Variants in MITF observed in about 807,000 individuals in gnomAD.
The protein encoded by MITF is microphthalmia-associated transcription factor.
Under a neutral mutation model 60.5 loss-of-function variants are expected in MITF, and 17 were observed. That is an observed-to-expected ratio of 0.28 (90% CI 0.19 to 0.42). The LOEUF (loss-of-function observed/expected upper bound fraction) is 0.42, where lower values mean the gene tolerates loss of function less well. MITF is among the 10% of genes least tolerant of loss of function. The probability of loss-of-function intolerance (pLI) is 1.00; values close to 1 mark genes in which losing one functional copy is unlikely to be tolerated. For missense variants in MITF, 622 were observed against 683.5 expected (o/e 0.91, Z 1.00); for synonymous variants, 260 against 248.5 (o/e 1.05, Z -0.43).
chr3:69,873,697 G>A (rs890606045), intron 1 of MITF, among the ~76,000 whole-genome samples: 4 of 152,200 alleles, frequency 2.6e-5, no homozygotes, highest in Non-Finnish European at 5.9e-5. Context: ...GAAATGGAAT[G>A]CGAATTTTCT....
chr3:69,806,526 T>TA (rs147956158), intron 1 of MITF, among the ~76,000 whole-genome samples: 3,943 of 152,250 alleles, frequency 0.026, 165 homozygotes, highest in African/African-American at 0.089. Context: ...AAAATGTAGT[T>TA]AGACCATTAC....
intron 2 of MITF, among the ~76,000 whole-genome samples, chr3:69,882,405 T>C (rs35773003): frequency 0.025 from 3,868 of 152,230 alleles, 150 homozygotes; most frequent in African/African-American, 0.086. Context: ...ATTTACATAG[T>C]AAAGATATTC....
At chr3:69,800,247 C>T (rs1404971941) in intron 1 of MITF, among the ~76,000 whole-genome samples, 1 of 152,138 alleles carries the variant, frequency 6.6e-6, no homozygotes, top group African/African-American at 2.4e-5. Context: ...AGCATATTTT[C>T]AAGATTCAGC....
In MITF at chr3:69,964,944, C is replaced by A. The variant is rs2066647199; in HGVS notation, c.1277C>A (p.Pro426His). 6.2e-7 allele frequency: 1 copy of A among 1,614,120 alleles called. No individual in the cohort carries two copies. The highest frequency in any genetic ancestry group is 2.2e-5 in the East Asian group (1 of 44,864). Residue 426 changes from proline to histidine, a missense_variant, in exon 10 of 10, where the codon CCC becomes CAC. This residue lies in a region of MITF where 224 missense variants were observed against 209.5 expected (regional missense o/e 1.07). Transcript: ENST00000352241. ...DLVNRIIKQE[P>H]VLENCSQDLL... Reference sequence around the variant, plus strand: ...GTGAATCGGATCATCAAGCAAGAACCCGTTCTTGAGAACTGCAGCCAAGAC... The same window carrying A: ...GTGAATCGGATCATCAAGCAAGAACACGTTCTTGAGAACTGCAGCCAAGAC...
chr3:69,839,549 G>A (rs541338884), intron 1 of MITF, among the ~76,000 whole-genome samples: 28 of 151,962 alleles, frequency 1.8e-4, no homozygotes, highest in African/African-American at 6.0e-4. Context: ...TTCAAAGGAA[G>A]AGTCTAGTTG....
rs1399145067 is a variant in MITF at position 69,937,975 on chromosome 3, CCACCGGTGCCGGGGAGCAGCG to C, written c.513_533del (p.Val172_Pro178del). The C allele has an allele frequency of 6.2e-7, 1 of 1,614,184 alleles. No individual in the cohort carries two copies. The highest frequency in any genetic ancestry group is 1.7e-5 in the Admixed American group (1 of 60,034). ...AAACCAGCCTGGCGATCATGTCATG[CCACCGGTGCCGGGGAGCAGCG>C]CACCCAACAGCCCCATGGCTATGCT... On this transcript the variant is annotated inframe_deletion, in exon 3 of 10. Coordinates refer to ENST00000352241, the MANE Select transcript of MITF (RefSeq NM_001354604.2).
At chr3:69,796,957 G>A (rs6795463) in intron 1 of MITF, among the ~76,000 whole-genome samples, 2 of 151,948 alleles carry the variant, frequency 1.3e-5, no homozygotes, top group African/African-American at 4.8e-5. Flanking sequence ...TGTGATAAAG[G>A]TTGCAGAAAC....
In MITF at chr3:69,914,124, T is replaced by G. The variant is rs942395755; in HGVS notation, c.355-23698T>G. Among the ~76,000 whole-genome samples, 6 of 152,164 alleles carry G rather than the reference T, an allele frequency of 3.9e-5. 1 individual carries two copies. The highest frequency in any genetic ancestry group is 3.9e-4 in the Admixed American group (6 of 15,276). On this transcript the variant is annotated intron_variant, in intron 2 of 9. Coordinates refer to ENST00000352241, the MANE Select transcript of MITF (RefSeq NM_001354604.2). Reference sequence around the variant, plus strand: ...TCATGCTATTAGAATGGAACTTTTTTGTTTGTTTGTTTTTTGAGTTGGAGT... The same window carrying G: ...TCATGCTATTAGAATGGAACTTTTTGGTTTGTTTGTTTTTTGAGTTGGAGT...
At chr3:69,896,485 A>C (rs2064878653) in intron 2 of MITF, among the ~76,000 whole-genome samples, 2 of 152,200 alleles carry the variant, frequency 1.3e-5, no homozygotes, top group Non-Finnish European at 2.9e-5. Flanking sequence ...CAGGAGCCCC[A>C]GTGTTTAAGG....
At chr3:69,898,113 G>T (rs552382466) in intron 2 of MITF, among the ~76,000 whole-genome samples, 216 of 152,308 alleles carry the variant, frequency 1.4e-3, no homozygotes, top group African/African-American at 5.0e-3. Context: ...GCCTCAACAG[G>T]TACCAGACAG....
At chr3:69,963,836 C>T (rs778388569) in intron 9 of MITF, among the ~76,000 whole-genome samples, 5 of 152,118 alleles carry the variant, frequency 3.3e-5, no homozygotes, top group African/African-American at 7.2e-5. Context: ...TTGCCATTGC[C>T]CTTGAAATGT....
intron 5 of MITF, among the ~76,000 whole-genome samples, chr3:69,944,982 A>T (rs2066058970): frequency 6.6e-6 from 1 of 152,070 alleles, no homozygotes; most frequent in South Asian, 2.1e-4. Flanking sequence ...ATTTCAAGTT[A>T]ACTACTTAGG....
intron 2 of MITF, among the ~76,000 whole-genome samples, chr3:69,881,590 T>G (rs1049435509): frequency 2.4e-4 from 36 of 152,058 alleles, no homozygotes; most frequent in African/African-American, 8.4e-4. Flanking sequence ...TTTCAAAATT[T>G]TGTGTATAAA....
intron 1 of MITF, among the ~76,000 whole-genome samples, chr3:69,743,342 C>G (rs760467257): frequency 3.3e-5 from 5 of 152,128 alleles, no homozygotes; most frequent in Non-Finnish European, 1.5e-5. Context: ...ATACCATAAC[C>G]CACTCAAGGT....
chr3:69,899,871 C>G (rs1188066360), intron 2 of MITF, among the ~76,000 whole-genome samples: 1 of 152,122 alleles, frequency 6.6e-6, no homozygotes, highest in Non-Finnish European at 1.5e-5. Flanking sequence ...GGGCTTTAGG[C>G]TTGAGTTACC....
At chr3:69,773,882 T>C (rs923180134) in intron 1 of MITF, among the ~76,000 whole-genome samples, 2 of 152,156 alleles carry the variant, frequency 1.3e-5, no homozygotes, top group African/African-American at 4.8e-5. Flanking sequence ...ATTTGTAGAG[T>C]ATTGCACTGA....
At chr3:69,944,863 G>A (rs2066055614) in intron 5 of MITF, among the ~76,000 whole-genome samples, 1 of 152,098 alleles carries the variant, frequency 6.6e-6, no homozygotes, top group African/African-American at 2.4e-5. Flanking sequence ...TCAAAATTAA[G>A]TAACAAAGCT....
Position 69,966,285 on chromosome 3 carries a change from G to A in MITF, c.*1037G>A, listed in dbSNP as rs948377644. 19 of 232,316 alleles carry A rather than the reference G, an allele frequency of 8.2e-5. No individual in the cohort carries two copies. Among genetic ancestry groups the A allele is most frequent in the East Asian group, 6.1e-4 (10 of 16,358 alleles). 14.4% of individuals were successfully genotyped at this position (232,316 alleles called of 1,614,324 possible). On this transcript the variant is annotated 3_prime_UTR_variant, in exon 10 of 10. Coordinates refer to ENST00000352241, the MANE Select transcript of MITF (RefSeq NM_001354604.2). ...TTTTACAACTCACTGGTGGTTTTCC[G>A]CATTCTTTGTACACCCATGAAAGAA...
rs2066686167 is a variant in MITF, at chr3:69,966,182, T to G, written c.*934T>G. The G allele has an allele frequency of 4.3e-6, 1 of 232,728 alleles. No individual in the cohort carries two copies. Among genetic ancestry groups the G allele is most frequent in the Admixed American group, 5.6e-5 (1 of 17,758 alleles). 14.4% of individuals were successfully genotyped at this position (232,728 alleles called of 1,614,324 possible). ...CTGTTCATTTGATTTGTACAGATTCTTTATTATCATTGTTCTTTTCAATAT... is the reference window on the plus strand; with the variant it reads ...CTGTTCATTTGATTTGTACAGATTCGTTATTATCATTGTTCTTTTCAATAT... On this transcript the variant is annotated 3_prime_UTR_variant, in exon 10 of 10. Coordinates refer to ENST00000352241, the MANE Select transcript of MITF (RefSeq NM_001354604.2).
Sources: gnomAD v4.1 joint callset for allele counts (sites outside exome capture counted in the v4.1 genomes callset) on GRCh38, gnomAD v4.1.1 for gene constraint, gnomAD v4.1.1 regional missense constraint, MANE v1.5 for transcripts, NCBI Gene and HGNC (gene_info 2026-07-23, HGNC 2026-07-21) for gene names.